The following TADA1 variants were observed in gnomAD, a reference collection of about 807,000 sequenced individuals.
TADA1 encodes the protein transcriptional adapter 1.
Under a neutral mutation model 39.3 loss-of-function variants are expected in TADA1, and 23 were observed. The observed-to-expected ratio is 0.58, with a 90% CI of 0.42 to 0.83. The LOEUF (loss-of-function observed/expected upper bound fraction) is 0.83. Among genes scored for constraint, TADA1 ranks in the 40% least tolerant of loss-of-function variants. TADA1 has a pLI of 0.00. For synonymous variants in TADA1, 137 were observed against 151.8 expected (o/e 0.90, Z 0.72); for missense variants, 352 against 408.1 (o/e 0.86, Z 1.18).
At chr1:166,873,826 A>T (rs1658707695) in intron 1 of TADA1, among the ~76,000 whole-genome samples, 1 of 152,148 alleles carries the variant, frequency 6.6e-6, no homozygotes, top group African/African-American at 2.4e-5. Flanking sequence ...TTGGCCTTTA[A>T]AAACTAAATA....
At chr1:166,864,425 T>A (rs1455760244) in intron 3 of TADA1, among the ~76,000 whole-genome samples, 3 of 152,106 alleles carry the variant, frequency 2.0e-5, no homozygotes, top group South Asian at 4.1e-4. Flanking sequence ...CCATAGAAGC[T>A]GTAACCTAGG....
rs1658765529 is a variant in TADA1, at chr1:166,876,175, C to T, written c.59G>A (p.Gly20Glu). 6.2e-7 allele frequency: 1 copy of T among 1,613,728 alleles called. No individual in the cohort carries two copies. The highest frequency in any genetic ancestry group is 8.5e-7 in the Non-Finnish European group (1 of 1,179,878). The stretch of plus-strand genomic sequence containing the variant: ...CAGCTCTTACTGTTTCACGTTGTCC[C>T]CCAGGGCCTCGCTTAAGTTCTTCTT... ...AAKKNLSEAL[G>E]DNVKQYWANL... The change falls in exon 1 of 8, where the codon GGG becomes GAG. Residue 20 changes from glycine to glutamate, a missense_variant. Physicochemically the swap from Gly to Glu is moderately conservative, Grantham distance 98. Coordinates refer to ENST00000367874, the MANE Select transcript of TADA1 (RefSeq NM_053053.4).
intron 6 of TADA1, 60 bp from the exon 7 acceptor site, chr1:166,858,341 G>A (rs1658331358): frequency 3.0e-6 from 4 of 1,318,238 alleles, no homozygotes; most frequent in Middle Eastern, 1.9e-4. Flanking sequence ...ACAAGGACAG[G>A]AGTGGCCTGC....
intron 1 of TADA1, among the ~76,000 whole-genome samples, chr1:166,875,740 T>G (rs1175124358): frequency 1.3e-5 from 2 of 152,198 alleles, no homozygotes; most frequent in African/African-American, 4.8e-5. Context: ...GGCCTCCACC[T>G]CCAGGAAGCC....
rs776644485 is a variant in TADA1 at position 166,857,540 on chromosome 1, G to GA, written c.*26dup. On this transcript the variant is annotated 3_prime_UTR_variant, in exon 8 of 8. Coordinates refer to ENST00000367874, the MANE Select transcript of TADA1 (RefSeq NM_053053.4). ...ATTTTCAGTAATCAATGAATTCGGT[G>GA]AGGGTCCCACACCCTCAAATCCTAA... is the stretch of plus-strand genomic sequence containing the variant. 6.2e-7 allele frequency: 1 copy of GA among 1,607,418 alleles called. No homozygotes were observed. The highest frequency in any genetic ancestry group is 1.1e-5 in the South Asian group (1 of 89,974).
chr1:166,858,170 T>TA lies in TADA1; in HGVS notation c.803dup (p.Pro269ThrfsTer14), dbSNP rs756281595. On this transcript the variant is annotated frameshift_variant, in exon 7 of 8. Transcript: ENST00000367874. LOFTEE classifies it high-confidence loss of function. ...TGTTCACCGGAGGCAAAGATGCAGG[T>TA]AGAGTGTCTCCGGAGCATGCCAGCA... 1.2e-6 allele frequency: 2 copies of TA among 1,614,020 alleles called. No individual in the cohort carries two copies. Among genetic ancestry groups the TA allele is most frequent in the African/African-American group, 2.7e-5 (2 of 74,908 alleles).
At chr1:166,862,054 C>T (rs1477179706) in intron 5 of TADA1, 149 bp downstream of exon 5, 9 of 816,762 alleles carry the variant, frequency 1.1e-5, no homozygotes, top group African/African-American at 1.7e-5. Context: ...GTGATGCTGT[C>T]TCAAAAAAAA....
chr1:166,867,165 T>TTCTA (rs2101792753), intron 3 of TADA1, among the ~76,000 whole-genome samples: 1 of 152,356 alleles, frequency 6.6e-6, no homozygotes, highest in East Asian at 1.9e-4. Flanking sequence ...AACTATATTA[T>TTCTA]GTAAGCTAGT....
chr1:166,857,960 T>C (rs1360953346), intron 7 of TADA1, among the ~76,000 whole-genome samples, 159 bp downstream of exon 7: 1 of 152,100 alleles, frequency 6.6e-6, no homozygotes, highest in Non-Finnish European at 1.5e-5. Context: ...GGCTCAGGAT[T>C]TGAAAAATGA....
At chr1:166,870,486 C>G (rs1404210948) in intron 1 of TADA1, among the ~76,000 whole-genome samples, 13 of 152,176 alleles carry the variant, frequency 8.5e-5, no homozygotes, top group Non-Finnish European at 1.6e-4. Context: ...CCCTAGCAAA[C>G]TAATACACCT....
intron 3 of TADA1, among the ~76,000 whole-genome samples, chr1:166,866,917 G>T (rs1170651994): frequency 6.6e-6 from 1 of 151,810 alleles, no homozygotes; most frequent in African/African-American, 2.4e-5. Flanking sequence ...GCTAATTTTT[G>T]TACTTTTAGT....
intron 3 of TADA1, among the ~76,000 whole-genome samples, chr1:166,867,513 TCA>T (rs1023401932): frequency 3.3e-5 from 5 of 151,976 alleles, no homozygotes; most frequent in Non-Finnish European, 5.9e-5. Context: ...AAGCAGGTGC[TCA>T]CAGTTTACTA....
intron 3 of TADA1, among the ~76,000 whole-genome samples, chr1:166,868,176 A>G (rs1016609754): frequency 6.6e-6 from 1 of 152,200 alleles, no homozygotes; most frequent in African/African-American, 2.4e-5. Flanking sequence ...AAAGTTTTCA[A>G]TGTATTTAAT....
chr1:166,876,106 G>A (rs1658762882), intron 1 of TADA1, 54 bp downstream of exon 1: 7 of 1,549,070 alleles, frequency 4.5e-6, no homozygotes, highest in Non-Finnish European at 6.1e-6. Flanking sequence ...GGCAGCCCGA[G>A]GCCAGGAGAG....
chr1:166,869,733 G>C, intron 2 of TADA1, 30 bp downstream of exon 2: 1 of 1,587,372 alleles, frequency 6.3e-7, no homozygotes, highest in Non-Finnish European at 8.6e-7. Flanking sequence ...CTACAGAATA[G>C]TAAAATAACT....
chr1:166,866,062 C>T (rs1334008097), intron 3 of TADA1, among the ~76,000 whole-genome samples: 3 of 152,106 alleles, frequency 2.0e-5, no homozygotes, highest in Non-Finnish European at 4.4e-5. Flanking sequence ...CCAAGAAATC[C>T]CTTCCTGATA....
intron 7 of TADA1, 62 bp from the exon 8 acceptor site, chr1:166,857,781 T>A (rs572677971): frequency 3.3e-4 from 519 of 1,560,054 alleles, no homozygotes; most frequent in Non-Finnish European, 4.2e-4. Context: ...TTCTGACATA[T>A]AAAAGGGTTT....
intron 6 of TADA1, among the ~76,000 whole-genome samples, chr1:166,859,713 G>A (rs1658364603): frequency 6.6e-6 from 1 of 152,054 alleles, no homozygotes; most frequent in South Asian, 2.1e-4. Context: ...ACCAGGCACA[G>A]ACCACTATCT....
At chr1:166,862,445 AT>A in intron 4 of TADA1, 33 bp from the exon 5 acceptor site, 2 of 1,561,990 alleles carry the variant, frequency 1.3e-6, no homozygotes, top group Non-Finnish European at 1.8e-6. Context: ...AAAATTACTC[AT>A]TACAGTAGCA....
Sources: allele counts gnomAD v4.1 joint callset (sites outside exome capture counted in the v4.1 genomes callset), GRCh38; gene constraint gnomAD v4.1.1; transcripts MANE v1.5; gene names NCBI Gene and HGNC (gene_info 2026-07-23, HGNC 2026-07-21).